Variants in SRCIN1 observed in about 807,000 individuals in gnomAD.
SRCIN1 encodes the protein P130Cas-associated protein.
In SRCIN1, 50 loss-of-function variants were observed where a neutral mutation model predicts 116.2. The observed-to-expected ratio is 0.43, with a 90% CI of 0.34 to 0.54. SRCIN1 has a LOEUF of 0.54. SRCIN1 is among the 20% of genes least tolerant of loss of function. The probability of loss-of-function intolerance (pLI) is 0.02; values close to 1 mark genes in which losing one functional copy is unlikely to be tolerated. For synonymous variants in SRCIN1, 736 were observed against 750.0 expected (o/e 0.98, Z 0.30); for missense variants, 1,446 against 1,672.0 (o/e 0.86, Z 2.36).
intron 1 of SRCIN1, among the ~76,000 whole-genome samples, chr17:38,589,929 G>C (rs1567882070): frequency 6.6e-6 from 1 of 152,208 alleles, no homozygotes. Context: ...GGAAAAGGCA[G>C]GAGACTTGGC....
Position 38,572,024 on chromosome 17 carries a change from G to A in SRCIN1, c.325-3793C>T, listed in dbSNP as rs1224402737. Among the ~76,000 whole-genome samples, 3 of 152,096 alleles carry A rather than the reference G, an allele frequency of 2.0e-5. No homozygotes were observed. Among genetic ancestry groups the A allele is most frequent in the Non-Finnish European group, 4.4e-5 (3 of 67,984 alleles). On this transcript the variant is annotated intron_variant, in intron 2 of 18. Coordinates refer to ENST00000617146, the MANE Select transcript of SRCIN1 (RefSeq NM_025248.3). The surrounding 1 kb of genome is among the most constrained non-coding windows in gnomAD (Gnocchi z 4.3). ...GGGGAGGCTTGGCCCAGCCAGCTGA[G>A]GTCTCTTTCCTCCCCTGGGCAGGCA...
At chr17:38,606,638 G>T (rs1909382858), upstream of SRCIN1, among the ~76,000 whole-genome samples, 1 of 152,268 alleles carries the variant, frequency 6.6e-6, no homozygotes, top group South Asian at 2.1e-4. This position sits in a 1 kb window ranked among gnomAD's most constrained non-coding sequence, Gnocchi z 5.2. Flanking sequence ...ACGCTCCAGC[G>T]ACGGTCCCTG....
At chr17:38,550,656 T>A (rs1256483061) in intron 15 of SRCIN1, among the ~76,000 whole-genome samples, 1 of 152,216 alleles carries the variant, frequency 6.6e-6, no homozygotes, top group African/African-American at 2.4e-5. Flanking sequence ...CCTGTCTTAT[T>A]TCCGTATCTC....
chr17:38,562,296 C>T lies in SRCIN1; in HGVS notation c.867G>A (p.Ser289=). The T allele has an allele frequency of 1.4e-6, 2 of 1,478,208 alleles. No homozygotes were observed. Among genetic ancestry groups the T allele is most frequent in the Non-Finnish European group, 1.8e-6 (2 of 1,123,846 alleles). The allele number at this position is 1,478,208 out of a possible 1,614,324, so 91.6% of individuals were successfully genotyped here. Residue 289 remains serine (S), a synonymous_variant, in exon 7 of 19, where the codon TCG becomes TCA. Transcript: ENST00000617146. The surrounding 1 kb of genome is among the most constrained non-coding windows in gnomAD (Gnocchi z 4.2). ...ACAGGTTGTTGAGGCGCCGCGTGGG[C>T]GAGGACTCCCGCGATGCGTACACCA... ...REMVYASRES[S]PTRRLNNLSP...
intron 8 of SRCIN1, 79 bp from the exon 9 acceptor site, chr17:38,560,176 A>G (rs1906139175): frequency 7.7e-6 from 11 of 1,422,108 alleles, no homozygotes; most frequent in Non-Finnish European, 1.0e-5. Context: ...CTTGGATGTC[A>G]TCTCCTCCAG....
intron 1 of SRCIN1, among the ~76,000 whole-genome samples, chr17:38,586,015 G>T (rs557521653): frequency 1.0e-3 from 153 of 152,308 alleles, no homozygotes; most frequent in African/African-American, 2.8e-3. Flanking sequence ...AGGAGAGTCT[G>T]CCTGGACTAG....
rs1209182661 is a variant in SRCIN1, at chr17:38,543,505, ACTCG to A, written c.3417+314_3417+317del. 2.6e-5 allele frequency among the ~76,000 whole-genome samples: 4 copies of A among 152,126 alleles called. No individual in the cohort carries two copies. In the Middle Eastern group the frequency reaches 0.01, roughly 388 times the overall value. On this transcript the variant is annotated intron_variant, in intron 18 of 18. Transcript: ENST00000617146. ...GGCGTTGGGGCTGCTGGAGTCACAA[ACTCG>A]CTCGCTCGCCCCTCCTCCAGGAGCC...
At chr17:38,564,363 C>CA in intron 3 of SRCIN1, 50 bp from the exon 4 acceptor site, 1 of 1,373,416 alleles carries the variant, frequency 7.3e-7, no homozygotes, top group Non-Finnish European at 9.3e-7. Flanking sequence ...CACCCCCCCT[C>CA]CCCTTTGCTT....
At position 38,533,109 on chromosome 17, in the gene SRCIN1, AAAAC is replaced by A. The variant is rs2040946547; in HGVS notation, c.*184_*187del. On this transcript the variant is annotated 3_prime_UTR_variant, in exon 19 of 19. Transcript: ENST00000617146. ...AAGTTAATTGTTAAAAAAAAAAAAA[AAAAC>A]AAAACCAAAAACACCAACAGATGAT... The A allele has an allele frequency of 1.9e-5, 9 of 471,284 alleles. No homozygotes were observed. The highest frequency in any genetic ancestry group is 2.6e-5 in the Non-Finnish European group (8 of 308,604). The allele number at this position is 471,284 out of a possible 1,614,324, so 29.2% of individuals were successfully genotyped here.
chr17:38,551,190 G>T lies in SRCIN1; in HGVS notation c.2927C>A (p.Ala976Asp). ...PPKAPHGQKA[A>D]PRTEPSGRRG... is the part of the protein sequence containing the mutation. ...CCTCCCACTGGGCTCCGTTCGGGGG[G>T]CTGCCTTCTGGCCGTGGGGGGCCTT... Residue 976 changes from alanine (A) to aspartate (D), a missense_variant, in exon 15 of 19, where the codon GCC becomes GAC. Ala to Asp is a moderately radical substitution (Grantham distance 126). Transcript: ENST00000617146. 1 of 1,587,752 alleles carries T rather than the reference G, an allele frequency of 6.3e-7. No homozygotes were observed. Among genetic ancestry groups the T allele is most frequent in the Non-Finnish European group, 8.6e-7 (1 of 1,163,420 alleles).
chr17:38,570,056 C>T (rs552597394), intron 2 of SRCIN1, among the ~76,000 whole-genome samples: 2 of 152,266 alleles, frequency 1.3e-5, no homozygotes, highest in South Asian at 4.1e-4. Flanking sequence ...CCACCCACAG[C>T]GCCCCGCAAC....
chr17:38,603,534 G>C (rs1300291477), intron 1 of SRCIN1, among the ~76,000 whole-genome samples: 1 of 152,138 alleles, frequency 6.6e-6, no homozygotes, highest in Non-Finnish European at 1.5e-5. Context: ...GAGCCAGAAG[G>C]GGGATTTGTG....
rs1038037861 is a variant in SRCIN1, at chr17:38,578,703, C to T, written c.111G>A (p.Gly37=). 18 of 1,535,524 alleles carry T rather than the reference C, an allele frequency of 1.2e-5. No individual in the cohort carries two copies. Among genetic ancestry groups the T allele is most frequent in the Non-Finnish European group, 1.6e-5 (18 of 1,143,632 alleles). The part of the protein sequence containing the change: ...EYRTLGGGGG[G]GSGGRRFSNV... ...TGGAGAAGCGCCGGCCCCCGCTGCCCCCGCCGCCCCCGCCCCCCAGGGTCC... is the reference window on the plus strand; with the variant it reads ...TGGAGAAGCGCCGGCCCCCGCTGCCTCCGCCGCCCCCGCCCCCCAGGGTCC... The change falls in exon 2 of 19, where the codon GGG becomes GGA. Residue 37 remains glycine, a synonymous_variant. Coordinates refer to ENST00000617146, the MANE Select transcript of SRCIN1 (RefSeq NM_025248.3).
intron 18 of SRCIN1, among the ~76,000 whole-genome samples, chr17:38,536,586 G>C (rs1246506461): frequency 1.3e-5 from 2 of 152,164 alleles, no homozygotes; most frequent in Non-Finnish European, 2.9e-5. Context: ...CAGATGTCCA[G>C]ACAAGTGTGG....
rs1198986987 is a variant in SRCIN1, at chr17:38,531,854, G to C, written c.*1443C>G. 1 of 152,656 alleles carries C rather than the reference G, an allele frequency of 6.6e-6. No individual in the cohort carries two copies. Among genetic ancestry groups the C allele is most frequent in the African/African-American group, 2.4e-5 (1 of 41,436 alleles). The allele number at this position is 152,656 out of a possible 1,614,324, so 9.5% of individuals were successfully genotyped here. On this transcript the variant is annotated 3_prime_UTR_variant, in exon 19 of 19. Transcript: ENST00000617146. ...CTCCTCCTTTCTGTGCTTGCTATGG[G>C]GGACTGATTCTAGTCCCCCTCCCCT...
At chr17:38,538,501 T>C (rs575529043) in intron 18 of SRCIN1, among the ~76,000 whole-genome samples, 23 of 151,812 alleles carry the variant, frequency 1.5e-4, no homozygotes, top group Middle Eastern at 3.4e-3. Context: ...TGGGTCCTGA[T>C]ATCCTCAAGC....
intron 1 of SRCIN1, among the ~76,000 whole-genome samples, chr17:38,592,643 G>T (rs866744725): frequency 1.3e-5 from 2 of 152,212 alleles, no homozygotes; most frequent in Non-Finnish European, 2.9e-5. Flanking sequence ...GTGAAGATGG[G>T]AAGAAATAAG....
chr17:38,571,311 T>G (rs1336381407), intron 2 of SRCIN1, among the ~76,000 whole-genome samples: 1 of 152,150 alleles, frequency 6.6e-6, no homozygotes, highest in African/African-American at 2.4e-5. Context: ...ACCTGGTGGA[T>G]AGCAGGCACT....
At chr17:38,561,349 A>G in intron 7 of SRCIN1, 114 bp downstream of exon 7, 2 of 1,288,858 alleles carry the variant, frequency 1.6e-6, no homozygotes, top group Non-Finnish European at 2.0e-6. Flanking sequence ...CAAGGTCTCC[A>G]AAGGACTCCA....
Sources: allele counts gnomAD v4.1 joint callset (sites outside exome capture counted in the v4.1 genomes callset), GRCh38; gene constraint gnomAD v4.1.1; non-coding constraint Gnocchi (gnomAD v3.1); transcripts MANE v1.5; gene names NCBI Gene and HGNC (gene_info 2026-07-23, HGNC 2026-07-21).